SEPTIN11: variants seen among roughly 807,000 people sequenced by gnomAD.
SEPTIN11 encodes septin-11.
A neutral mutation model predicts 51.4 loss-of-function variants in SEPTIN11; 25 were observed. The observed-to-expected ratio is 0.49, with a 90% CI of 0.35 to 0.68. SEPTIN11 has a LOEUF of 0.68. Ranked by LOEUF, SEPTIN11 falls within the 30% of genes least tolerant of loss-of-function variation. SEPTIN11 has a pLI of 0.00. For synonymous variants in SEPTIN11, 174 were observed against 184.1 expected (o/e 0.95, Z 0.44); for missense variants, 381 against 520.8 (o/e 0.73, Z 2.61).
Position 77,037,086 on chromosome 4 carries a change from G to A in SEPTIN11, c.*2574G>A, listed in dbSNP as rs752627630. ...ATCCGAAATTACTAATCCAGGCCAGGTGTGGTGGCTCATGCCTGTAATCCC... is the reference window on the plus strand; with the variant it reads ...ATCCGAAATTACTAATCCAGGCCAGATGTGGTGGCTCATGCCTGTAATCCC... On this transcript the variant is annotated 3_prime_UTR_variant, in exon 10 of 10. Transcript: ENST00000264893. 1.8e-6 allele frequency: 2 copies of A among 1,097,390 alleles called. No homozygotes were observed. The highest frequency in any genetic ancestry group is 5.9e-5 in the East Asian group (1 of 16,962). 68.0% of individuals were successfully genotyped at this position (1,097,390 alleles called of 1,614,324 possible).
At chr4:76,956,049 G>A (rs186522290) in intron 1 of SEPTIN11, among the ~76,000 whole-genome samples, 1 of 152,014 alleles carries the variant, frequency 6.6e-6, no homozygotes, top group Non-Finnish European at 1.5e-5. Context: ...TAAAAGCCAG[G>A]GTTTACTTAA....
chr4:76,967,146 A>G lies in SEPTIN11; in HGVS notation c.27+17216A>G, dbSNP rs534885188. On this transcript the variant is annotated intron_variant, in intron 1 of 9. Transcript: ENST00000264893. ...CAGGAGGCAGAGGTTTCAGTGAGCC[A>G]AGATCATGCCCCTTTACTGCAGCCT... is the stretch of plus-strand genomic sequence containing the variant. Among the ~76,000 whole-genome samples the G allele has an allele frequency of 1.5e-4, 23 of 152,212 alleles. No individual in the cohort carries two copies. In the South Asian group the frequency reaches 4.6e-3, roughly 30 times the overall value.
chr4:76,993,382 G>A (rs1078566), intron 1 of SEPTIN11, among the ~76,000 whole-genome samples: 79,677 of 151,794 alleles, frequency 0.52, 21,774 homozygotes, highest in Middle Eastern at 0.62. Flanking sequence ...TCAGAGAGTC[G>A]TTTCCAGATG....
intron 1 of SEPTIN11, among the ~76,000 whole-genome samples, chr4:76,959,431 C>T (rs1382956128): frequency 1.3e-5 from 2 of 150,682 alleles, no homozygotes; most frequent in African/African-American, 4.9e-5. Flanking sequence ...AAAAAGTAGA[C>T]TCAAAAAAAA....
chr4:77,032,962 G>T (rs1726764986), intron 9 of SEPTIN11, among the ~76,000 whole-genome samples: 1 of 152,094 alleles, frequency 6.6e-6, no homozygotes, highest in Non-Finnish European at 1.5e-5. Flanking sequence ...AGCCTGTGTG[G>T]ATTCTATTTT....
At chr4:77,019,639 A>G (rs1312197001) in intron 6 of SEPTIN11, among the ~76,000 whole-genome samples, 1 of 152,240 alleles carries the variant, frequency 6.6e-6, no homozygotes, top group Non-Finnish European at 1.5e-5. Context: ...TCCATCAACT[A>G]TGCAAAAAAT....
Position 76,967,238 on chromosome 4 carries a change from C to T in SEPTIN11, c.27+17308C>T, listed in dbSNP as rs77885484. Among the ~76,000 whole-genome samples the T allele has an allele frequency of 5.8e-3, 886 of 152,242 alleles. 6 individuals carry two copies. The highest frequency in any genetic ancestry group is 0.021 in the African/African-American group (854 of 41,552). ...AGTGCTTAACCTGATGTAGCTATAA[C>T]ATTAATAAGAAATAGAAATTTATCT... On this transcript the variant is annotated intron_variant, in intron 1 of 9. Transcript: ENST00000264893.
chr4:77,012,115 C>CA (rs199819432), intron 4 of SEPTIN11, among the ~76,000 whole-genome samples, 194 bp downstream of exon 4: 1,972 of 84,572 alleles, frequency 0.023, 9 homozygotes, highest in African/African-American at 0.028. Context: ...ACAAAACTAG[C>CA]AAAAAAAAAA....
intron 1 of SEPTIN11, among the ~76,000 whole-genome samples, chr4:76,990,049 G>C (rs1243277722): frequency 6.6e-6 from 1 of 152,142 alleles, no homozygotes; most frequent in East Asian, 1.9e-4. Context: ...CGTGGAAGGG[G>C]ACCTGAGCGG....
intron 1 of SEPTIN11, among the ~76,000 whole-genome samples, chr4:76,965,797 A>G (rs1722013013): frequency 6.6e-6 from 1 of 152,198 alleles, no homozygotes; most frequent in Admixed American, 6.5e-5. Flanking sequence ...CAGAATATGT[A>G]TATTCTAAAT....
At chr4:77,028,283 T>A (rs1306665228) in intron 7 of SEPTIN11, among the ~76,000 whole-genome samples, 1 of 152,128 alleles carries the variant, frequency 6.6e-6, no homozygotes, top group African/African-American at 2.4e-5. Flanking sequence ...CCCTCTTCAT[T>A]TCTCCCCCTA....
Position 76,995,798 on chromosome 4 carries a change from T to G in SEPTIN11, c.28-627T>G. The G allele has an allele frequency of 5.9e-6, 9 of 1,529,994 alleles. No homozygotes were observed. In the Admixed American group the frequency reaches 1.4e-4, roughly 24 times the overall value. The allele number at this position is 1,529,994 out of a possible 1,614,324, so 94.8% of individuals were successfully genotyped here. ...TACCCTAGTCTACATCGGTAAACTC[T>G]GCAAAACTCCAGCAGTTACAGAGCC... On this transcript the variant is annotated intron_variant, in intron 1 of 9. Coordinates refer to ENST00000264893, the MANE Select transcript of SEPTIN11 (RefSeq NM_018243.4).
chr4:76,949,959 C>A, intron 1 of SEPTIN11, 29 bp downstream of exon 1: 1 of 1,447,856 alleles, frequency 6.9e-7, no homozygotes. Context: ...CCTGCTGCTC[C>A]TCGGGCGCCG....
chr4:76,996,633 A>C, intron 2 of SEPTIN11, 94 bp downstream of exon 2: 1 of 889,138 alleles, frequency 1.1e-6, no homozygotes, highest in South Asian at 1.5e-5. Context: ...TAAGAATGAC[A>C]TGTTTATTCT....
intron 6 of SEPTIN11, among the ~76,000 whole-genome samples, chr4:77,020,160 T>C (rs985557854): frequency 6.6e-5 from 10 of 152,156 alleles, no homozygotes; most frequent in Non-Finnish European, 1.5e-5. Context: ...GGAGGTCAGC[T>C]TGCTCACCAA....
At position 76,970,209 on chromosome 4, in the gene SEPTIN11, C is replaced by G. The variant is rs532547873; in HGVS notation, c.27+20279C>G. Among the ~76,000 whole-genome samples, 42 of 152,314 alleles carry G rather than the reference C, an allele frequency of 2.8e-4. 1 individual carries two copies. In the South Asian group the frequency reaches 8.5e-3, roughly 31 times the overall value. On this transcript the variant is annotated intron_variant, in intron 1 of 9. Transcript: ENST00000264893. ...CTATCTAGTCATCCTTCAGGACTCTCAACCAGGCAGAGTTAGGAGGACTAG... is the reference window on the plus strand; with the variant it reads ...CTATCTAGTCATCCTTCAGGACTCTGAACCAGGCAGAGTTAGGAGGACTAG...
chr4:76,975,248 C>G lies in SEPTIN11; in HGVS notation c.28-21177C>G, dbSNP rs914391516. 2.0e-5 allele frequency among the ~76,000 whole-genome samples: 3 copies of G among 151,922 alleles called. No individual in the cohort carries two copies. The South Asian group carries it at 6.2e-4, about 32-fold the overall frequency. On this transcript the variant is annotated intron_variant, in intron 1 of 9. Coordinates refer to ENST00000264893, the MANE Select transcript of SEPTIN11 (RefSeq NM_018243.4). ...TCTAGGACTAAAGAATAACTAATGC[C>G]TTGCGGACAACATAGAACGTGGTTG... is the stretch of plus-strand genomic sequence containing the variant.
At chr4:76,987,832 A>G in intron 1 of SEPTIN11, 1 of 981,558 alleles carries the variant, frequency 1.0e-6, no homozygotes, top group Non-Finnish European at 1.2e-6. Context: ...GTACTACTGA[A>G]ATAGGACCTC....
chr4:77,016,633 C>CACATATATATATATATATAT (rs1375044162), intron 5 of SEPTIN11, among the ~76,000 whole-genome samples: 1,124 of 72,644 alleles, frequency 0.015, 41 homozygotes, highest in South Asian at 0.027. Context: ...TATATATACA[C>CACATATATATATATATATAT]ATATATATAT....
Sources: allele counts gnomAD v4.1 joint callset (sites outside exome capture counted in the v4.1 genomes callset), GRCh38; gene constraint gnomAD v4.1.1; transcripts MANE v1.5; gene names NCBI Gene and HGNC (gene_info 2026-07-23, HGNC 2026-07-21).